APC: variants seen among roughly 807,000 people sequenced by gnomAD.
APC encodes adenomatous polyposis coli protein.
Under a neutral mutation model 247.0 loss-of-function variants are expected in APC, and 72 were observed. That is an observed-to-expected ratio of 0.29 (90% CI 0.24 to 0.35). APC has a LOEUF of 0.35. Among genes scored for constraint, APC ranks in the 10% least tolerant of loss-of-function variants. The pLI is 1.00. For missense variants in APC, 3,400 were observed against 3,360.7 expected (o/e 1.01, Z -0.29); for synonymous variants, 1,254 against 1,162.5 (o/e 1.08, Z -1.60).
At chr5:112,730,919 T>G (rs2149671986) in intron 1 of APC, among the ~76,000 whole-genome samples, 1 of 152,264 alleles carries the variant, frequency 6.6e-6, no homozygotes, top group South Asian at 2.1e-4. Flanking sequence ...CCGAAATTCT[T>G]GTAATTCCTA....
At chr5:112,834,042 C>T (rs937333355) in intron 14 of APC, among the ~76,000 whole-genome samples, 3 of 151,828 alleles carry the variant, frequency 2.0e-5, no homozygotes, top group Non-Finnish European at 4.4e-5. Flanking sequence ...GCCTTGACCT[C>T]CCAGGCGCAA....
chr5:112,785,427 TTAAAG>T (rs1181455447), intron 6 of APC, among the ~76,000 whole-genome samples: 3 of 152,192 alleles, frequency 2.0e-5, no homozygotes, highest in Non-Finnish European at 2.9e-5. Context: ...ACAGGAAACT[TTAAAG>T]TAACTAGAAA....
rs1429910910 is a variant in APC at position 112,828,967 on chromosome 5, A to G, written c.1738A>G (p.Lys580Glu). 1.2e-6 allele frequency: 2 copies of G among 1,607,468 alleles called. No individual in the cohort carries two copies. The highest frequency in any genetic ancestry group is 3.3e-5 in the Admixed American group (2 of 59,988). Reference protein sequence around the residue: ...KALMECALEVKKESTLKSVLS... With the variant: ...KALMECALEVEKESTLKSVLS... ...ATTGATGGAATGTGCTTTAGAAGTTAAAAAGGTACCTTTGAAAACATTTAG... is the reference window on the plus strand; with the variant it reads ...ATTGATGGAATGTGCTTTAGAAGTTGAAAAGGTACCTTTGAAAACATTTAG... Residue 580 changes from lysine (K) to glutamate (E), a missense_variant, in exon 14 of 16, where the codon AAA becomes GAA. Lys to Glu is a moderately conservative substitution (Grantham distance 56). Transcript: ENST00000257430.
At chr5:112,718,215 G>A (rs1349424999) in intron 1 of APC, among the ~76,000 whole-genome samples, 2 of 151,954 alleles carry the variant, frequency 1.3e-5, no homozygotes, top group African/African-American at 2.4e-5. Context: ...TAATTCCAAT[G>A]TTGGGAAGTC....
intron 1 of APC, among the ~76,000 whole-genome samples, chr5:112,730,429 G>A (rs1752042951): frequency 6.6e-6 from 1 of 152,232 alleles, no homozygotes. Flanking sequence ...AAGGCGGACT[G>A]CCATTTCACT....
intron 8 of APC, among the ~76,000 whole-genome samples, chr5:112,803,987 C>A (rs1054528607): frequency 6.6e-6 from 1 of 151,858 alleles, no homozygotes; most frequent in Non-Finnish European, 1.5e-5. Flanking sequence ...AAGAGTATCT[C>A]ACAATATTTG....
At chr5:112,806,865 G>T (rs1235678855) in intron 8 of APC, among the ~76,000 whole-genome samples, 3 of 152,188 alleles carry the variant, frequency 2.0e-5, no homozygotes, top group Non-Finnish European at 4.4e-5. Context: ...TGGGCATGGT[G>T]CTCACACATG....
intron 1 of APC, among the ~76,000 whole-genome samples, chr5:112,718,312 C>T (rs1366994830): frequency 6.6e-6 from 1 of 152,124 alleles, no homozygotes; most frequent in Non-Finnish European, 1.5e-5. Flanking sequence ...AGAAGGTTTT[C>T]ATTTGCTGTC....
intron 4 of APC, among the ~76,000 whole-genome samples, chr5:112,768,202 C>CCA (rs1307217353): frequency 6.6e-6 from 1 of 151,856 alleles, no homozygotes; most frequent in African/African-American, 2.4e-5. Context: ...TGCCACCACG[C>CCA]CTGGCTAATT....
chr5:112,708,239 C>T (rs568835098), intron 1 of APC, among the ~76,000 whole-genome samples: 2 of 152,186 alleles, frequency 1.3e-5, no homozygotes, highest in Non-Finnish European at 2.9e-5. Context: ...CTCTTGCTTC[C>T]TCTAAAAGTT....
At chr5:112,765,341 T>G (rs1756165153) in intron 2 of APC, among the ~76,000 whole-genome samples, 1 of 152,176 alleles carries the variant, frequency 6.6e-6, no homozygotes, top group East Asian at 1.9e-4. Context: ...CTCAAACTCC[T>G]GGACTCAAGT....
intron 1 of APC, among the ~76,000 whole-genome samples, chr5:112,742,273 C>T (rs1753124631): frequency 6.6e-6 from 1 of 152,162 alleles, no homozygotes; most frequent in South Asian, 2.1e-4. Context: ...CACTGTTCCT[C>T]CAGTGAAGGC....
intron 6 of APC, among the ~76,000 whole-genome samples, chr5:112,782,395 A>G (rs1354702631): frequency 1.3e-5 from 2 of 152,178 alleles, no homozygotes; most frequent in Non-Finnish European, 1.5e-5. Context: ...CAGCCTAAAC[A>G]TAATGTATAT....
intron 1 of APC, among the ~76,000 whole-genome samples, chr5:112,725,986 G>A (rs2149664386): frequency 6.6e-6 from 1 of 152,312 alleles, no homozygotes; most frequent in East Asian, 1.9e-4. Flanking sequence ...CCCTGTTGCA[G>A]GATGTGCAAC....
intron 6 of APC, among the ~76,000 whole-genome samples, chr5:112,790,083 C>T (rs1164589057): frequency 6.6e-6 from 1 of 152,024 alleles, no homozygotes; most frequent in Admixed American, 6.5e-5. Flanking sequence ...TGGTCTCAAA[C>T]TCCTGAGCTT....
rs553731544 is a variant in APC, at chr5:112,773,764, C to G, written c.423-1865C>G. Among the ~76,000 whole-genome samples, 20 of 152,238 alleles carry G rather than the reference C, an allele frequency of 1.3e-4. No homozygotes were observed. The South Asian group carries it at 3.9e-3, about 30-fold the overall frequency. ...CAGAAAATTATATGCAGCCCAACAA[C>G]TGACAAAGCACTATCATTTTTAATA... is the stretch of plus-strand genomic sequence containing the variant. On this transcript the variant is annotated intron_variant, in intron 4 of 15. Transcript: ENST00000257430.
At chr5:112,755,160 A>G in intron 2 of APC, 135 bp downstream of exon 2, 1 of 1,274,220 alleles carries the variant, frequency 7.8e-7, no homozygotes, top group Non-Finnish European at 1.1e-6. Context: ...TTCTTGCAAA[A>G]GTTAGCATTT....
At chr5:112,726,798 A>C (rs1581038369) in intron 1 of APC, among the ~76,000 whole-genome samples, 1 of 152,006 alleles carries the variant, frequency 6.6e-6, no homozygotes, top group East Asian at 1.9e-4. Flanking sequence ...AAGATAATTC[A>C]CCTGACCTTG....
At chr5:112,788,378 A>ATT (rs1253641051) in intron 6 of APC, among the ~76,000 whole-genome samples, 1 of 152,160 alleles carries the variant, frequency 6.6e-6, no homozygotes, top group Non-Finnish European at 1.5e-5. Context: ...CCTTCATAAT[A>ATT]TTTAGTCTTG....
Sources: allele counts gnomAD v4.1 joint callset (sites outside exome capture counted in the v4.1 genomes callset), GRCh38; gene constraint gnomAD v4.1.1; transcripts MANE v1.5; gene names NCBI Gene and HGNC (gene_info 2026-07-23, HGNC 2026-07-21).